Variants in ANXA8 observed in about 807,000 individuals in gnomAD.
ANXA8 encodes the protein annexin A8.
Under a neutral mutation model 26.8 loss-of-function variants are expected in ANXA8, and 9 were observed. The ratio of observed to expected loss-of-function variants is 0.34; its 90% CI spans 0.20 to 0.59. The LOEUF (loss-of-function observed/expected upper bound fraction) is 0.59. Among genes scored for constraint, ANXA8 ranks in the 20% least tolerant of loss-of-function variants. The pLI is 0.84. For synonymous variants in ANXA8, 39 were observed against 94.8 expected (o/e 0.41, Z 3.42); for missense variants, 83 against 238.5 (o/e 0.35, Z 4.29).
At chr10:47,733,153 CTT>C in the ANXA8 span, among the ~76,000 whole-genome samples, 1 of 87,004 alleles carries the variant, frequency 1.1e-5, no homozygotes, top group African/African-American at 4.0e-5. Flanking sequence ...ATCTTTCTTT[CTT>C]TCTTTCTTTC....
At chr10:47,584,258 G>T in the ANXA8 span, among the ~76,000 whole-genome samples, 16,714 of 99,940 alleles carry the variant, frequency 0.17, 462 homozygotes, top group African/African-American at 0.32. Flanking sequence ...GGAGGGTGGG[G>T]ACTGGCTGGG....
At chr10:47,534,678 G>A in the ANXA8 span, among the ~76,000 whole-genome samples, 3 of 113,218 alleles carry the variant, frequency 2.6e-5, no homozygotes, top group Admixed American at 9.1e-5. Context: ...TTTTGAGACG[G>A]AGTTTTGCTG....
At chr10:47,733,171 TTCTTTCTTTC>T in the ANXA8 span, among the ~76,000 whole-genome samples, 1 of 100,814 alleles carries the variant, frequency 9.9e-6, no homozygotes, top group Non-Finnish European at 2.3e-5. Context: ...CTTTCTTTCT[TTCTTTCTTTC>T]TTTCTTTCTT....
At chr10:47,585,372 C>T in the ANXA8 span, among the ~76,000 whole-genome samples, 2 of 139,550 alleles carry the variant, frequency 1.4e-5, no homozygotes, top group Non-Finnish European at 3.0e-5. Flanking sequence ...ATACTAGACT[C>T]TTACATGTTA....
At chr10:47,627,359 A>G in the ANXA8 span, among the ~76,000 whole-genome samples, 1 of 150,182 alleles carries the variant, frequency 6.7e-6, no homozygotes, top group Non-Finnish European at 1.5e-5. Flanking sequence ...TGTAGACTAC[A>G]TCTCCTATTT....
At chr10:47,962,665 TAA>T in the ANXA8 span, among the ~76,000 whole-genome samples, 1 of 27,232 alleles carries the variant, frequency 3.7e-5, no homozygotes, top group Non-Finnish European at 9.1e-5. Context: ...CACACACTTA[TAA>T]GCACACACAG....
the ANXA8 span, among the ~76,000 whole-genome samples, chr10:47,647,977 A>G: frequency 3.3e-4 from 50 of 151,936 alleles, no homozygotes; most frequent in South Asian, 3.5e-3. Context: ...AAGAGACTGG[A>G]GTTATTAAAA....
chr10:47,491,798 T>C, the ANXA8 span: 7 of 1,160,512 alleles, frequency 6.0e-6, no homozygotes, highest in Admixed American at 1.5e-4. Context: ...AGTAGGAGGC[T>C]GGACAGGTGA....
the ANXA8 span, chr10:47,496,424 TTAAC>T: frequency 6.6e-6 from 1 of 151,496 alleles, no homozygotes; most frequent in Admixed American, 6.6e-5. Context: ...ATTCTCATAT[TTAAC>T]TATATTAAAA....
At chr10:47,489,358 G>C in the ANXA8 span, among the ~76,000 whole-genome samples, 1,225 of 150,296 alleles carry the variant, frequency 8.2e-3, 12 homozygotes, top group Non-Finnish European at 0.013. Flanking sequence ...ACATAGTCTT[G>C]TGTGACTTTG....
chr10:47,733,167 TTCTTTC>T, the ANXA8 span, among the ~76,000 whole-genome samples: 118 of 99,696 alleles, frequency 1.2e-3, no homozygotes, highest in Middle Eastern at 4.7e-3. Flanking sequence ...CTTTCTTTCT[TTCTTTC>T]TTTCTTTCTT....
the ANXA8 span, among the ~76,000 whole-genome samples, chr10:47,632,458 A>G: frequency 7.4e-5 from 11 of 147,678 alleles, no homozygotes; most frequent in Admixed American, 6.7e-5. Context: ...GAAAAATTGT[A>G]AAGTATTTCA....
the ANXA8 span, chr10:47,973,297 G>A: frequency 6.8e-6 from 1 of 146,626 alleles, no homozygotes; most frequent in East Asian, 2.0e-4. Context: ...AGGACAGGAT[G>A]ATCTGTGCCT....
intron 1 of ANXA8, 57 bp downstream of exon 1, chr10:47,483,856 G>C (rs1839950094): frequency 3.1e-6 from 5 of 1,611,500 alleles, no homozygotes; most frequent in Non-Finnish European, 4.2e-6. Flanking sequence ...AGGACTCCCT[G>C]GTGACCAGCA....
chr10:47,775,774 A>C, the ANXA8 span, among the ~76,000 whole-genome samples: 1 of 146,384 alleles, frequency 6.8e-6, no homozygotes, highest in Non-Finnish European at 1.5e-5. Context: ...GGAGACAGCC[A>C]GCAGGTGGCC....
the ANXA8 span, among the ~76,000 whole-genome samples, chr10:47,762,337 C>A: frequency 6.8e-6 from 1 of 147,520 alleles, no homozygotes; most frequent in Middle Eastern, 3.6e-3. Flanking sequence ...CCGCTGGCCA[C>A]CTGGGGCGGG....
upstream of ANXA8, among the ~76,000 whole-genome samples, chr10:47,488,887 C>A (rs1840095405): frequency 6.8e-6 from 1 of 146,542 alleles, no homozygotes; most frequent in East Asian, 2.2e-4. Flanking sequence ...GCCACCGTGC[C>A]CAGCTAATTT....
chr10:47,497,603 A>T, the ANXA8 span, among the ~76,000 whole-genome samples: 35 of 144,744 alleles, frequency 2.4e-4, 2 homozygotes, highest in African/African-American at 8.2e-4. Context: ...TGGCCAACAA[A>T]AGCAAACCTC....
intron 1 of ANXA8, 51 bp downstream of exon 1, chr10:47,483,862 C>A (rs1320625106): frequency 6.2e-6 from 10 of 1,611,506 alleles, no homozygotes; most frequent in South Asian, 1.1e-5. Context: ...CCCTGGTGAC[C>A]AGCACCCAAC....
Sources: gnomAD v4.1 joint callset for allele counts (sites outside exome capture counted in the v4.1 genomes callset) on GRCh38, gnomAD v4.1.1 for gene constraint, MANE v1.5 for transcripts, NCBI Gene and HGNC (gene_info 2026-07-23, HGNC 2026-07-21) for gene names.